Variants in LRRC40 observed in about 807,000 individuals in gnomAD.
The protein encoded by LRRC40 is leucine rich repeat containing 40.
Under a neutral mutation model 72.8 loss-of-function variants are expected in LRRC40, and 76 were observed. The observed-to-expected ratio is 1.04, with a 90% confidence interval of 0.87 to 1.26. The LOEUF is 1.26. LRRC40 is among the 50% of genes most tolerant of loss of function. The pLI, the probability that LRRC40 is intolerant of heterozygous loss-of-function variation, is 0.00. For missense variants in LRRC40, 684 were observed against 698.9 expected (o/e 0.98, Z 0.24); for synonymous variants, 243 against 254.2 (o/e 0.96, Z 0.42).
chr1:70,180,113 T>C (rs1668209252), intron 5 of LRRC40: 1 of 152,108 alleles, frequency 6.6e-6, no homozygotes, highest in South Asian at 2.1e-4. Flanking sequence ...AGTTTTTTTA[T>C]TAATTTATTT....
chr1:70,171,698 T>C (rs1245362608), intron 9 of LRRC40, among the ~76,000 whole-genome samples: 2 of 152,112 alleles, frequency 1.3e-5, no homozygotes, highest in African/African-American at 2.4e-5. Flanking sequence ...ATGAGGATGA[T>C]GACAAATGTT....
Position 70,145,859 on chromosome 1 carries a change from T to C in LRRC40, c.1750A>G (p.Ile584Val), listed in dbSNP as rs762138260. ...GNPFRVPRAA[I>V]LMKGTAAILE... ...ATAGCAGCTGTTCCTTTCATTAATA[T>C]GGCTGCTCGAGGAACTCGGAATGGA... Residue 584 changes from isoleucine (I) to valine (V), a missense_variant, in exon 15 of 15, where the codon ATA becomes GTA. Transcript: ENST00000370952. 2.5e-6 allele frequency: 4 copies of C among 1,610,746 alleles called. No individual in the cohort carries two copies. The South Asian group carries it at 3.3e-5, about 13-fold the overall frequency.
At chr1:70,173,082 G>C (rs550078978) in intron 9 of LRRC40, among the ~76,000 whole-genome samples, 2 of 151,934 alleles carry the variant, frequency 1.3e-5, no homozygotes, top group African/African-American at 2.4e-5. Context: ...GTTTAGCAAA[G>C]CTGTGCACGA....
At chr1:70,165,196 G>C (rs1667855532) in intron 9 of LRRC40, among the ~76,000 whole-genome samples, 1 of 152,202 alleles carries the variant, frequency 6.6e-6, no homozygotes. Flanking sequence ...CAATTTCAGA[G>C]TTATATTTGT....
chr1:70,145,932 G>A, intron 14 of LRRC40, 27 bp from the exon 15 acceptor site: 1 of 1,123,958 alleles, frequency 8.9e-7, no homozygotes, highest in Non-Finnish European at 1.3e-6. Flanking sequence ...AATTGAGAAT[G>A]TAAACATTTT....
chr1:70,185,961 G>C (rs1317125429), intron 3 of LRRC40, among the ~76,000 whole-genome samples: 4 of 152,114 alleles, frequency 2.6e-5, no homozygotes, highest in Non-Finnish European at 5.9e-5. Context: ...ACAAATAACA[G>C]GGGGAAAATG....
Position 70,187,324 on chromosome 1 carries a change from C to G in LRRC40, c.348G>C (p.Gln116His). Residue 116 changes from glutamine to histidine, a missense_variant, in exon 3 of 15, where the codon CAG (glutamine) becomes CAC (histidine). By Grantham distance (24) the Gln-to-His change is conservative. Coordinates refer to ENST00000370952, the MANE Select transcript of LRRC40 (RefSeq NM_017768.5). ...ALTVLDIHDN[Q>H]LTSLPSAIRE... ...TTATAGCAGAAGGAAGGGATGTCAA[C>G]TGATTATCATGTATCTAAAAGTTTT... 6.4e-7 allele frequency: 1 copy of G among 1,567,674 alleles called. No individual in the cohort carries two copies. Among genetic ancestry groups the G allele is most frequent in the Non-Finnish European group, 8.7e-7 (1 of 1,142,870 alleles).
Position 70,187,319 on chromosome 1 carries a change from G to A in LRRC40, c.353C>T (p.Thr118Ile), listed in dbSNP as rs1343724917. 1 of 1,574,386 alleles carries A rather than the reference G, an allele frequency of 6.4e-7. No homozygotes were observed. Among genetic ancestry groups the A allele is most frequent in the Non-Finnish European group, 8.7e-7 (1 of 1,148,818 alleles). Residue 118 changes from threonine (T) to isoleucine (I), a missense_variant, in exon 3 of 15, where the codon ACA becomes ATA. Coordinates refer to ENST00000370952, the MANE Select transcript of LRRC40 (RefSeq NM_017768.5). ...CTCTCTTATAGCAGAAGGAAGGGATGTCAACTGATTATCATGTATCTAAAA... is the reference window on the plus strand; with the variant it reads ...CTCTCTTATAGCAGAAGGAAGGGATATCAACTGATTATCATGTATCTAAAA... Reference protein sequence around the residue: ...TVLDIHDNQLTSLPSAIRELE... With the variant: ...TVLDIHDNQLISLPSAIRELE...
chr1:70,202,166 T>C (rs1407455800), intron 1 of LRRC40, among the ~76,000 whole-genome samples: 3 of 152,158 alleles, frequency 2.0e-5, no homozygotes, highest in African/African-American at 4.8e-5. Flanking sequence ...TAGTCTCTTA[T>C]ATGATCCAGT....
At chr1:70,188,332 G>C (rs1238591362) in intron 2 of LRRC40, among the ~76,000 whole-genome samples, 1 of 151,986 alleles carries the variant, frequency 6.6e-6, no homozygotes, top group Non-Finnish European at 1.5e-5. Context: ...AAGAATCCCT[G>C]AATAAAAACA....
intron 10 of LRRC40, among the ~76,000 whole-genome samples, chr1:70,158,381 A>C (rs902121686): frequency 2.6e-5 from 4 of 151,698 alleles, no homozygotes; most frequent in African/African-American, 9.7e-5. Context: ...TTCTTGAATA[A>C]ATCTAGTCAC....
intron 2 of LRRC40, among the ~76,000 whole-genome samples, chr1:70,188,010 C>T (rs1571484697): frequency 6.6e-6 from 1 of 152,036 alleles, no homozygotes; most frequent in African/African-American, 2.4e-5. Context: ...AAAAACAGCT[C>T]TCTGATGATA....
chr1:70,178,154 T>C (rs531447597), intron 6 of LRRC40, among the ~76,000 whole-genome samples: 1 of 152,250 alleles, frequency 6.6e-6, no homozygotes, highest in East Asian at 1.9e-4. Context: ...TACACACAGA[T>C]TTTCAACTCC....
At chr1:70,179,933 GCAAAACAACAC>G (rs890910573) in intron 5 of LRRC40, among the ~76,000 whole-genome samples, 1 of 151,732 alleles carries the variant, frequency 6.6e-6, no homozygotes, top group Non-Finnish European at 1.5e-5. Flanking sequence ...TTAATCTAAA[GCAAAACAACAC>G]AATTTTAGAA....
intron 10 of LRRC40, among the ~76,000 whole-genome samples, chr1:70,156,027 TCA>T (rs995462407): frequency 5.9e-5 from 9 of 152,110 alleles, no homozygotes; most frequent in Non-Finnish European, 1.0e-4. Flanking sequence ...TTCTGGGCAT[TCA>T]TATACTCAAT....
chr1:70,196,990 T>C, intron 1 of LRRC40, among the ~76,000 whole-genome samples: 1 of 152,162 alleles, frequency 6.6e-6, no homozygotes, highest in South Asian at 2.1e-4. Flanking sequence ...ACATATAACA[T>C]ATATCACAGG....
At chr1:70,169,991 A>T (rs534089046) in intron 9 of LRRC40, among the ~76,000 whole-genome samples, 23 of 152,328 alleles carry the variant, frequency 1.5e-4, no homozygotes, top group Middle Eastern at 3.4e-3. Flanking sequence ...CAACAGATGA[A>T]TAACTCTCAA....
intron 1 of LRRC40, among the ~76,000 whole-genome samples, chr1:70,192,743 T>C (rs1476195827): frequency 6.6e-6 from 1 of 152,102 alleles, no homozygotes; most frequent in Non-Finnish European, 1.5e-5. Flanking sequence ...TTCTCACTTA[T>C]AAGTGGGAGC....
At position 70,205,501 on chromosome 1, in the gene LRRC40, C is replaced by G. The variant is rs745649706; in HGVS notation, c.40G>C (p.Ala14Pro). ...TCTCTTCCACCTGCTTTGAAACCAG[C>G]GCGGAGATCCTGCCCCGCTATCCGC... is the stretch of plus-strand genomic sequence containing the variant. The part of the protein sequence containing the change: ...LKRIAGQDLR[A>P]GFKAGGRDCG... The change falls in exon 1 of 15, where the codon GCT (alanine) becomes CCT (proline). Residue 14 changes from alanine (A) to proline (P), a missense_variant. Physicochemically the swap from Ala to Pro is conservative, Grantham distance 27. Transcript: ENST00000370952. The G allele has an allele frequency of 1.2e-6, 2 of 1,605,312 alleles. No individual in the cohort carries two copies. Among genetic ancestry groups the G allele is most frequent in the Admixed American group, 3.3e-5 (2 of 59,862 alleles).
Sources: gnomAD v4.1 joint callset for allele counts (sites outside exome capture counted in the v4.1 genomes callset) on GRCh38, gnomAD v4.1.1 for gene constraint, MANE v1.5 for transcripts, NCBI Gene and HGNC (gene_info 2026-07-23, HGNC 2026-07-21) for gene names.